Variants in HK1 observed in about 807,000 individuals in gnomAD.
The protein encoded by HK1 is hexokinase-1.
HK1 carries 28 observed loss-of-function variants against 91.6 expected under a neutral mutation model. That is an observed-to-expected ratio of 0.31 (90% confidence interval 0.23 to 0.42). HK1 has a LOEUF of 0.42. Ranked by LOEUF, HK1 falls within the 10% of genes least tolerant of loss-of-function variation. HK1 has a pLI of 1.00. For synonymous variants in HK1, 430 were observed against 468.1 expected (o/e 0.92, Z 1.05); for missense variants, 770 against 1,219.8 (o/e 0.63, Z 5.49).
chr10:69,300,096 G>T lies in HK1; in HGVS notation c.-66-673G>T, dbSNP rs376072173. 6.4e-4 allele frequency among the ~76,000 whole-genome samples: 97 copies of T among 151,732 alleles called. 3 individuals carry two copies. The highest frequency in any genetic ancestry group is 2.3e-3 in the African/African-American group (95 of 41,098). ...ATTACAGATGTGAGCCACCATGCCC[G>T]GCTGTTTAAGAAGTTTTAACACACG... On this transcript the variant is annotated intron_variant, in intron 4 of 21. Transcript: ENST00000360289.
intron 2 of HK1, among the ~76,000 whole-genome samples, chr10:69,353,753 T>C (rs1039510372): frequency 2.0e-5 from 3 of 152,164 alleles, no homozygotes; most frequent in Non-Finnish European, 4.4e-5. Context: ...CTTTCTCCCA[T>C]GCCCCTCCCT....
intron 2 of HK1, among the ~76,000 whole-genome samples, chr10:69,287,467 A>G (rs1018022068): frequency 2.0e-5 from 3 of 152,226 alleles, no homozygotes; most frequent in African/African-American, 7.2e-5. Context: ...ACAAAGCCTA[A>G]CCATATCACA....
At chr10:69,306,095 G>A (rs551185456) in intron 5 of HK1, among the ~76,000 whole-genome samples, 22 of 151,822 alleles carry the variant, frequency 1.4e-4, no homozygotes, top group African/African-American at 4.8e-4. Flanking sequence ...GGTGGCTCAC[G>A]CCTGTAATCC....
In HK1 at chr10:69,384,452, A is replaced by G. The variant is rs891414368; in HGVS notation, c.1690A>G (p.Ile564Val). The change falls in exon 11 of 18, where the codon ATT (isoleucine) becomes GTT (valine). Residue 564 changes from isoleucine to valine, a missense_variant. Physicochemically the swap from Ile to Val is conservative, Grantham distance 29. Around this residue, in one of 7 missense-constraint regions of HK1, gnomAD observed 48 missense variants for 128.2 expected, o/e 0.37. Coordinates refer to ENST00000359426, the MANE Select transcript of HK1 (RefSeq NM_000188.3). ...EMHNKIYAIP[I>V]EIMQGTGEEL... ...GCACAACAAGATCTACGCCATTCCT[A>G]TTGAAATCATGCAGGGCACTGGGGA... 2.5e-6 allele frequency: 4 copies of G among 1,614,140 alleles called. No individual in the cohort carries two copies. Among genetic ancestry groups the G allele is most frequent in the African/African-American group, 1.3e-5 (1 of 74,944 alleles).
rs78701667 is a variant in HK1, at chr10:69,288,679, G to A, written c.-206G>A. On this transcript the variant is annotated 5_prime_UTR_variant, in exon 3 of 22. Coordinates refer to the HK1 transcript ENST00000360289. ...ACTTGGCCTTTCTCTAGGCGTTCAA[G>A]ACCCAGCTGTTGAGAGTAGAAAAGC... is the stretch of plus-strand genomic sequence containing the variant. 6,044 of 1,530,642 alleles carry A rather than the reference G, an allele frequency of 3.9e-3. 201 individuals are homozygous for A. The African/African-American group carries it at 0.071, about 18-fold the overall frequency. 94.8% of individuals were successfully genotyped at this position (1,530,642 alleles called of 1,614,324 possible).
rs1031772345 is a variant in HK1 at position 69,369,622 on chromosome 10, G to A, written c.873G>A (p.Gln291=). 1.9e-6 allele frequency: 3 copies of A among 1,613,720 alleles called. No individual in the cohort carries two copies. The highest frequency in any genetic ancestry group is 2.5e-6 in the Non-Finnish European group (3 of 1,179,820). Residue 291 remains glutamine (Q), a splice_region_variant and synonymous_variant, in exon 7 of 18, where the codon CAG becomes CAA. Transcript: ENST00000359426. The surrounding 1 kb of genome is among the most constrained non-coding windows in gnomAD (Gnocchi z 4.4). ...IDRGSLNPGK[Q]LFEKMVSGMY... is the part of the protein sequence containing the mutation. ...GGGGATCCCTCAACCCTGGAAAACA[G>A]CTGTGAGTCCTTGACTTTTGCTTCT...
intron 15 of HK1, 116 bp downstream of exon 15, chr10:69,392,424 A>G (rs1251219809): frequency 1.8e-6 from 2 of 1,089,378 alleles, no homozygotes; most frequent in Non-Finnish European, 2.8e-6. Context: ...CAGAGGTTTC[A>G]AGACTGGACC....
In HK1 at chr10:69,395,028, C is replaced by T. The variant is rs759303760; in HGVS notation, c.2298C>T (p.Phe766=). 6.2e-7 allele frequency: 1 copy of T among 1,613,942 alleles called. No homozygotes were observed. Among genetic ancestry groups the T allele is most frequent in the African/African-American group, 1.3e-5 (1 of 75,002 alleles). Residue 766 remains phenylalanine (F), a synonymous_variant, in exon 16 of 18, where the codon TTC becomes TTT. Transcript: ENST00000359426. ...NILIDFTKKG[F]LFRGQISETL... Reference sequence around the variant, plus strand: ...TAATCGACTTCACCAAGAAGGGATTCCTCTTCCGAGGGCAGATCTCTGAGA... The same window carrying T: ...TAATCGACTTCACCAAGAAGGGATTTCTCTTCCGAGGGCAGATCTCTGAGA...
intron 9 of HK1, among the ~76,000 whole-genome samples, chr10:69,381,415 ATTTC>A (rs1839379073): frequency 6.6e-6 from 1 of 152,094 alleles, no homozygotes; most frequent in South Asian, 2.1e-4. Context: ...TTTATTAGCC[ATTTC>A]TTTCTTTTTT....
At chr10:69,341,981 C>G (rs1263201918) in intron 1 of HK1, among the ~76,000 whole-genome samples, 1 of 151,986 alleles carries the variant, frequency 6.6e-6, no homozygotes, top group Admixed American at 6.6e-5. Context: ...AACCCTGTCT[C>G]TACTAAAAAT....
intron 7 of HK1, among the ~76,000 whole-genome samples, chr10:69,373,587 A>T: frequency 1.4e-5 from 2 of 144,072 alleles, no homozygotes; most frequent in African/African-American, 2.6e-5. Flanking sequence ...TGTTTCCTTG[A>T]GGTTTTTTTT....
At chr10:69,384,620 C>T in intron 11 of HK1, 139 bp downstream of exon 11, 1 of 1,409,706 alleles carries the variant, frequency 7.1e-7, no homozygotes, top group Non-Finnish European at 1.0e-6. Context: ...ATGCTTTTTG[C>T]CATGCCTGGC....
Position 69,271,431 on chromosome 10 carries a change from T to A in HK1, c.-391+1323T>A, listed in dbSNP as rs1472818. Among the ~76,000 whole-genome samples the A allele has an allele frequency of 8.6e-5, 13 of 151,672 alleles. 1 individual carries two copies. The highest frequency in any genetic ancestry group is 2.9e-4 in the African/African-American group (12 of 41,288). On this transcript the variant is annotated intron_variant, in intron 1 of 21. Coordinates refer to the HK1 transcript ENST00000360289. ...ATGCATGTATTTATTAATGCATTAT[T>A]CAGCAAGATCCAGCAGGAACCTAAT...
rs1363970569 is a variant in HK1, at chr10:69,396,218, C to A, written c.2375+1113C>A. Among the ~76,000 whole-genome samples the A allele has an allele frequency of 2.6e-4, 39 of 147,398 alleles. No homozygotes were observed. In the Admixed American group the frequency reaches 2.7e-3, roughly 10 times the overall value. On this transcript the variant is annotated intron_variant, in intron 16 of 17. Coordinates refer to ENST00000359426, the MANE Select transcript of HK1 (RefSeq NM_000188.3). Reference sequence around the variant, plus strand: ...GCCCGGTGGCGGAGGTTGCAATGAGCTGAGGTTGCACCACTGCACTCCATC... The same window carrying A: ...GCCCGGTGGCGGAGGTTGCAATGAGATGAGGTTGCACCACTGCACTCCATC...
intron 3 of HK1, chr10:69,292,369 A>C (rs1183873646): frequency 4.5e-6 from 2 of 445,638 alleles, no homozygotes; most frequent in African/African-American, 4.0e-5. Flanking sequence ...CACTGCACCC[A>C]GCTTAGGACC....
At chr10:69,285,726 C>A (rs1453544475) in intron 2 of HK1, among the ~76,000 whole-genome samples, 1 of 151,906 alleles carries the variant, frequency 6.6e-6, no homozygotes, top group Non-Finnish European at 1.5e-5. Flanking sequence ...CCAGTTACTT[C>A]GGGGTGGAGA....
intron 1 of HK1, among the ~76,000 whole-genome samples, chr10:69,281,449 C>T (rs944641822): frequency 1.3e-5 from 2 of 152,352 alleles, no homozygotes; most frequent in South Asian, 4.1e-4. Context: ...CATCCTCCTC[C>T]TTTATCGAGG....
chr10:69,322,545 C>T (rs2132581805), intron 1 of HK1, among the ~76,000 whole-genome samples: 1 of 152,246 alleles, frequency 6.6e-6, no homozygotes. Flanking sequence ...GCCCAAGGTA[C>T]ATTCCTTAGA....
chr10:69,277,340 C>T (rs550437593), intron 1 of HK1, among the ~76,000 whole-genome samples: 4 of 151,896 alleles, frequency 2.6e-5, no homozygotes, highest in South Asian at 2.1e-4. Flanking sequence ...GGCTGAGGCA[C>T]GAGGATTGCT....
Sources: gnomAD v4.1 joint callset for allele counts (sites outside exome capture counted in the v4.1 genomes callset) on GRCh38, gnomAD v4.1.1 for gene constraint, gnomAD v4.1.1 regional missense constraint, Gnocchi (gnomAD v3.1) non-coding constraint, MANE v1.5 for transcripts, NCBI Gene and HGNC (gene_info 2026-07-23, HGNC 2026-07-21) for gene names.